The following TASP1 variants were observed in gnomAD, a reference collection of about 807,000 sequenced individuals.
TASP1 encodes taspase 1, also known as threonine aspartase 1.
In TASP1, 16 loss-of-function variants were observed where a neutral mutation model predicts 56.6. The ratio of observed to expected loss-of-function variants is 0.28; its 90% CI spans 0.19 to 0.43. TASP1 has a LOEUF of 0.43. Among genes scored for constraint, TASP1 ranks in the 20% least tolerant of loss-of-function variants. TASP1 has a pLI of 1.00. For missense variants in TASP1, 393 were observed against 511.6 expected (o/e 0.77, Z 2.24); for synonymous variants, 179 against 184.2 (o/e 0.97, Z 0.23).
intron 5 of TASP1, 82 bp from the exon 6 acceptor site, chr20:13,581,063 T>G (rs537972976): frequency 7.9e-7 from 1 of 1,269,678 alleles, no homozygotes; most frequent in Admixed American, 2.1e-5. Context: ...GTTGTTTCAA[T>G]AAAACAACTT....
At chr20:13,406,987 A>G (rs1193388116) in intron 13 of TASP1, among the ~76,000 whole-genome samples, 1 of 152,142 alleles carries the variant, frequency 6.6e-6, no homozygotes, top group Admixed American at 6.5e-5. Flanking sequence ...TTTATCATTC[A>G]TGCAAGTTGA....
chr20:13,264,370 G>C, the TASP1 span, among the ~76,000 whole-genome samples: 2 of 152,208 alleles, frequency 1.3e-5, no homozygotes, highest in African/African-American at 4.8e-5. Context: ...CTGTTCTTCA[G>C]ATTCCAGTCC....
chr20:13,447,313 A>G lies in TASP1; in HGVS notation c.986-12159T>C, dbSNP rs188514859. ...ATAAGGTAATTACCTATATGTTTAC[A>G]AGCCATTTGTGTTTCTTTATCTGTG... is the stretch of plus-strand genomic sequence containing the variant. On this transcript the variant is annotated intron_variant, in intron 11 of 13. Coordinates refer to ENST00000337743, the MANE Select transcript of TASP1 (RefSeq NM_017714.3). Among the ~76,000 whole-genome samples, 494 of 152,242 alleles carry G rather than the reference A, an allele frequency of 3.2e-3. 2 individuals carry two copies. Among genetic ancestry groups the G allele is most frequent in the East Asian group, 0.012 (60 of 5,178 alleles).
the TASP1 span, among the ~76,000 whole-genome samples, chr20:13,145,776 T>C: frequency 6.6e-6 from 1 of 152,150 alleles, no homozygotes; most frequent in South Asian, 2.1e-4. Flanking sequence ...AGCATGATAC[T>C]GGTAAGAAAA....
At chr20:13,248,815 G>A in the TASP1 span, among the ~76,000 whole-genome samples, 1 of 152,204 alleles carries the variant, frequency 6.6e-6, no homozygotes, top group African/African-American at 2.4e-5. Flanking sequence ...GGGGAAGCCA[G>A]TGGAATAAAT....
intron 8 of TASP1, among the ~76,000 whole-genome samples, chr20:13,548,337 G>A (rs1321003035): frequency 6.6e-6 from 1 of 152,114 alleles, no homozygotes; most frequent in Admixed American, 6.6e-5. Context: ...AGGAGAGTGA[G>A]TGGAGCATGA....
At chr20:13,593,531 G>A (rs940942371) in intron 4 of TASP1, among the ~76,000 whole-genome samples, 2 of 152,188 alleles carry the variant, frequency 1.3e-5, no homozygotes. Context: ...CTTAGCAGCC[G>A]GCAGACCAGG....
At chr20:13,537,288 C>T (rs925919684) in intron 8 of TASP1, among the ~76,000 whole-genome samples, 1 of 152,022 alleles carries the variant, frequency 6.6e-6, no homozygotes, top group Non-Finnish European at 1.5e-5. Context: ...ATAAAGAATC[C>T]TGTTCCAAAT....
chr20:13,121,597 G>A, the TASP1 span, among the ~76,000 whole-genome samples: 1 of 152,140 alleles, frequency 6.6e-6, no homozygotes, highest in Non-Finnish European at 1.5e-5. Flanking sequence ...CCACCCTGAA[G>A]AAGACACGAC....
At chr20:13,333,136 G>T in the TASP1 span, among the ~76,000 whole-genome samples, 967 of 152,336 alleles carry the variant, frequency 6.3e-3, 4 homozygotes, top group African/African-American at 0.022. Context: ...GCCCTTCTGA[G>T]CATGGTCCCT....
rs2045079564 is a variant in TASP1, at chr20:13,528,475, T to C, written c.832A>G (p.Thr278Ala). 6.2e-7 allele frequency: 1 copy of C among 1,610,800 alleles called. No individual in the cohort carries two copies. The highest frequency in any genetic ancestry group is 8.5e-7 in the Non-Finnish European group (1 of 1,178,210). The change falls in exon 10 of 14, where the codon ACT becomes GCT. Residue 278 changes from threonine to alanine, a missense_variant. By Grantham distance (58) the Thr-to-Ala change is moderately conservative (BLOSUM62 0). Coordinates refer to ENST00000337743, the MANE Select transcript of TASP1 (RefSeq NM_017714.3). ...GTGGAGTAGGGGTTATGAGCTCCAG[T>C]ATTTTCAGCCCAGCAGCCACATCCA... ...LYGCGCWAEN[T>A]GAHNPYSTAV...
At chr20:13,179,276 A>C in the TASP1 span, among the ~76,000 whole-genome samples, 1 of 152,130 alleles carries the variant, frequency 6.6e-6, no homozygotes, top group Non-Finnish European at 1.5e-5. Flanking sequence ...TACCTGTAAA[A>C]ATGTATCTAT....
rs773045537 is a variant in TASP1 at position 13,630,022 on chromosome 20, C to G, written c.57G>C (p.Gln19His). ...TGGCTGTTATTTTACCAGCCGAAAC[C>G]TGAGATGATCTGGAAGGCAGCCCTT... is the stretch of plus-strand genomic sequence containing the variant. ...SGEGLPSRSS[Q>H]VSAGKITAKE... Residue 19 changes from glutamine to histidine, a missense_variant, in exon 2 of 14, where the codon CAG becomes CAC. Gln to His is a conservative substitution (Grantham distance 24). Around this residue, in one of 3 missense-constraint regions of TASP1, gnomAD observed 52 missense variants for 51.1 expected, o/e 1.02. Coordinates refer to ENST00000337743, the MANE Select transcript of TASP1 (RefSeq NM_017714.3). The G allele has an allele frequency of 2.3e-5, 37 of 1,614,024 alleles. No homozygotes were observed. The highest frequency in any genetic ancestry group is 2.9e-5 in the Non-Finnish European group (34 of 1,179,994).
intron 8 of TASP1, among the ~76,000 whole-genome samples, chr20:13,546,501 C>T (rs1200332165): frequency 6.6e-6 from 1 of 152,200 alleles, no homozygotes; most frequent in East Asian, 1.9e-4. Flanking sequence ...GCTCACAAGG[C>T]AATTCATATT....
the TASP1 span, among the ~76,000 whole-genome samples, chr20:13,272,327 G>A: frequency 2.0e-5 from 3 of 152,102 alleles, no homozygotes; most frequent in Admixed American, 6.5e-5. Context: ...ATGGGAGCAC[G>A]CAAATCTCAC....
chr20:13,209,401 C>T, the TASP1 span, among the ~76,000 whole-genome samples: 2 of 152,116 alleles, frequency 1.3e-5, no homozygotes, highest in Non-Finnish European at 2.9e-5. Context: ...TAGCAGCACC[C>T]TTGAAAACAT....
At chr20:13,241,853 C>A in the TASP1 span, among the ~76,000 whole-genome samples, 2 of 152,044 alleles carry the variant, frequency 1.3e-5, no homozygotes, top group African/African-American at 4.8e-5. Flanking sequence ...TGGCTACTAA[C>A]CTACAGAAGT....
At chr20:13,440,872 C>T (rs777873498) in intron 11 of TASP1, among the ~76,000 whole-genome samples, 51 of 152,110 alleles carry the variant, frequency 3.4e-4, no homozygotes, top group Admixed American at 8.5e-4. Context: ...TGCCATGATC[C>T]TTGCTTCATT....
intron 10 of TASP1, among the ~76,000 whole-genome samples, chr20:13,498,137 GC>G (rs1333258938): frequency 1.3e-5 from 2 of 152,078 alleles, no homozygotes; most frequent in African/African-American, 4.8e-5. Context: ...AAACTAAAGA[GC>G]TTTTGCACAG....
Sources: allele counts gnomAD v4.1 joint callset (sites outside exome capture counted in the v4.1 genomes callset), GRCh38; gene constraint gnomAD v4.1.1; regional missense constraint gnomAD v4.1.1; transcripts MANE v1.5; gene names NCBI Gene and HGNC (gene_info 2026-07-23, HGNC 2026-07-21).